Variants in EFNA5 observed in about 807,000 individuals in gnomAD.
EFNA5 encodes ephrin A5, also known as ephrin-A5.
Under a neutral mutation model 22.9 loss-of-function variants are expected in EFNA5, and 5 were observed. That is an observed-to-expected ratio of 0.22 (90% CI 0.11 to 0.46). EFNA5 has a LOEUF of 0.46. Ranked by LOEUF, EFNA5 falls within the 20% of genes least tolerant of loss-of-function variation. The pLI, the probability that EFNA5 is intolerant of heterozygous loss-of-function variation, is 0.99. For synonymous variants in EFNA5, 113 were observed against 112.2 expected (o/e 1.01, Z -0.04); for missense variants, 237 against 293.3 (o/e 0.81, Z 1.40).
At chr5:107,512,629 C>T (rs899801152) in intron 1 of EFNA5, among the ~76,000 whole-genome samples, 2 of 152,066 alleles carry the variant, frequency 1.3e-5, no homozygotes, top group Non-Finnish European at 2.9e-5. Flanking sequence ...CAGAGCCAAA[C>T]ACACACCATG....
chr5:107,650,949 G>A (rs1047731855), intron 1 of EFNA5, among the ~76,000 whole-genome samples: 4 of 152,210 alleles, frequency 2.6e-5, no homozygotes, highest in Non-Finnish European at 2.9e-5. Flanking sequence ...GTTATTTGTA[G>A]TGGATGCCAA....
rs573357746 is a variant in EFNA5 at position 107,662,223 on chromosome 5, C to A, written c.125+8266G>T. Reference sequence around the variant, plus strand: ...TCGTACCTGAACTTTAACCGCGATACATGTATCTGTTATTAAAACATGCAT... The same window carrying A: ...TCGTACCTGAACTTTAACCGCGATAAATGTATCTGTTATTAAAACATGCAT... On this transcript the variant is annotated intron_variant, in intron 1 of 4. Transcript: ENST00000333274. Among the ~76,000 whole-genome samples the A allele has an allele frequency of 1.7e-3, 253 of 152,296 alleles. 2 individuals are homozygous for A. The highest frequency in any genetic ancestry group is 5.9e-3 in the African/African-American group (246 of 41,570).
intron 2 of EFNA5, among the ~76,000 whole-genome samples, chr5:107,389,763 A>G (rs897405165): frequency 3.3e-5 from 5 of 152,210 alleles, no homozygotes; most frequent in African/African-American, 1.2e-4. Context: ...TGAGCTCTCA[A>G]GGAGGGACAC....
intron 1 of EFNA5, among the ~76,000 whole-genome samples, chr5:107,447,350 C>G (rs958813605): frequency 7.9e-5 from 12 of 152,128 alleles, no homozygotes; most frequent in African/African-American, 2.7e-4. Context: ...TTCGACTGAC[C>G]CTCCAACCTT....
intron 2 of EFNA5, among the ~76,000 whole-genome samples, chr5:107,393,303 CA>C (rs899302229): frequency 4.7e-4 from 71 of 152,308 alleles, no homozygotes; most frequent in African/African-American, 1.5e-3. Context: ...TCAAACAACT[CA>C]AAAGTTCCCT....
chr5:107,482,247 AG>A (rs1442803287), intron 1 of EFNA5, among the ~76,000 whole-genome samples: 30 of 151,780 alleles, frequency 2.0e-4, no homozygotes, highest in Admixed American at 5.9e-4. Context: ...CAGAGGTTGC[AG>A]TGAGCCGAGG....
chr5:107,637,468 T>A (rs980233246), intron 1 of EFNA5, among the ~76,000 whole-genome samples: 1 of 151,706 alleles, frequency 6.6e-6, no homozygotes, highest in African/African-American at 2.4e-5. Context: ...ATTAGAAAGG[T>A]TCAAGACCAA....
chr5:107,579,654 T>C (rs944815483), intron 1 of EFNA5, among the ~76,000 whole-genome samples: 10 of 152,084 alleles, frequency 6.6e-5, no homozygotes, highest in African/African-American at 1.2e-4. Context: ...GTCTGAATAA[T>C]AGAAATGAGC....
At chr5:107,602,644 G>C (rs111729756) in intron 1 of EFNA5, among the ~76,000 whole-genome samples, 34 of 152,188 alleles carry the variant, frequency 2.2e-4, no homozygotes, top group Middle Eastern at 3.4e-3. Flanking sequence ...CACAGGCTGG[G>C]GACAGGACTA....
In EFNA5 at chr5:107,424,316, C is replaced by T. The variant is rs148987080; in HGVS notation, c.418+2901G>A. 4.5e-3 allele frequency among the ~76,000 whole-genome samples: 652 copies of T among 146,166 alleles called. 2 individuals carry two copies. The highest frequency in any genetic ancestry group is 0.016 in the African/African-American group (610 of 39,334). On this transcript the variant is annotated intron_variant, in intron 2 of 4. Transcript: ENST00000333274. ...CTGCCACCCTGGTTCAAGTGATTCT[C>T]CTGCCTCAGCCTCCCAAGTAGCTGA...
chr5:107,426,944 G>A, intron 2 of EFNA5: 1 of 362,666 alleles, frequency 2.8e-6, no homozygotes. Flanking sequence ...CTTTGGAGAA[G>A]TCCTGGCAAT....
At chr5:107,638,104 T>C (rs1422592073) in intron 1 of EFNA5, among the ~76,000 whole-genome samples, 1 of 152,046 alleles carries the variant, frequency 6.6e-6, no homozygotes, top group Admixed American at 6.6e-5. Flanking sequence ...CCGTCCACCT[T>C]GGCCTCTCAA....
intron 1 of EFNA5, among the ~76,000 whole-genome samples, chr5:107,553,023 T>G (rs898072104): frequency 6.6e-6 from 1 of 152,230 alleles, no homozygotes; most frequent in Admixed American, 6.5e-5. Context: ...TTTTTTATTA[T>G]AGCCCTCCTC....
At chr5:107,528,469 T>C (rs1436153921) in intron 1 of EFNA5, among the ~76,000 whole-genome samples, 2 of 152,182 alleles carry the variant, frequency 1.3e-5, no homozygotes. Flanking sequence ...AATTCAGAAT[T>C]GAATAAAAAT....
chr5:107,531,960 T>C (rs952647241), intron 1 of EFNA5, among the ~76,000 whole-genome samples: 2 of 152,168 alleles, frequency 1.3e-5, no homozygotes, highest in Non-Finnish European at 2.9e-5. Flanking sequence ...AAAGGTAAAG[T>C]AGGTGGCTAG....
intron 1 of EFNA5, among the ~76,000 whole-genome samples, chr5:107,573,790 C>T (rs1002254331): frequency 3.3e-5 from 5 of 151,990 alleles, no homozygotes; most frequent in Non-Finnish European, 7.4e-5. Context: ...AGGGGGAGAA[C>T]GGAACAGTTT....
intron 1 of EFNA5, among the ~76,000 whole-genome samples, chr5:107,459,866 C>G (rs1475789651): frequency 6.6e-6 from 1 of 152,154 alleles, no homozygotes. Flanking sequence ...CTTTAATAGC[C>G]TTAACTTTGT....
intron 1 of EFNA5, among the ~76,000 whole-genome samples, chr5:107,482,547 C>A (rs1006186439): frequency 1.3e-5 from 2 of 152,002 alleles, no homozygotes; most frequent in South Asian, 2.1e-4. Flanking sequence ...AAATTAAGGG[C>A]GCATCTGCTG....
At chr5:107,629,505 G>C (rs1220065764) in intron 1 of EFNA5, among the ~76,000 whole-genome samples, 1 of 152,092 alleles carries the variant, frequency 6.6e-6, no homozygotes. Flanking sequence ...TGTAGACTTT[G>C]GGTGACAATG....
Sources: gnomAD v4.1 joint callset for allele counts (sites outside exome capture counted in the v4.1 genomes callset) on GRCh38, gnomAD v4.1.1 for gene constraint, MANE v1.5 for transcripts, NCBI Gene and HGNC (gene_info 2026-07-23, HGNC 2026-07-21) for gene names.